SRCIN1: variants seen among roughly 807,000 people sequenced by gnomAD.
SRCIN1 encodes SRC kinase signaling inhibitor 1, also known as P130Cas-associated protein.
Under a neutral mutation model 116.2 loss-of-function variants are expected in SRCIN1, and 50 were observed. The observed-to-expected ratio is 0.43, with a 90% confidence interval of 0.34 to 0.54. SRCIN1 has a LOEUF of 0.54. SRCIN1 is among the 20% of genes least tolerant of loss of function. The pLI, the probability that SRCIN1 is intolerant of heterozygous loss-of-function variation, is 0.02. For synonymous variants in SRCIN1, 736 were observed against 750.0 expected (o/e 0.98, Z 0.30); for missense variants, 1,446 against 1,672.0 (o/e 0.86, Z 2.36).
intron 11 of SRCIN1, among the ~76,000 whole-genome samples, chr17:38,553,731 C>G (rs1905600431): frequency 6.6e-6 from 1 of 152,142 alleles, no homozygotes; most frequent in Admixed American, 6.5e-5. Flanking sequence ...ATCCCATCAT[C>G]CTGAGGCCTA....
chr17:38,562,022 C>G lies in SRCIN1; in HGVS notation c.1141G>C (p.Ala381Pro), dbSNP rs754847900. Residue 381 changes from alanine (A) to proline (P), a missense_variant, in exon 7 of 19, where the codon GCG (alanine) becomes CCG (proline). Ala to Pro is a conservative substitution (Grantham distance 27). This residue lies in a region of SRCIN1 where 239 missense variants were observed against 317.7 expected (regional missense o/e 0.75). Transcript: ENST00000617146. This position sits in a 1 kb window ranked among gnomAD's most constrained non-coding sequence, Gnocchi z 4.2. ...RRDVKPDEDL[A>P]SKAGGMVLVK... ...AGCACCATGCCGCCCGCCTTGCTCG[C>G]CAGGTCCTCGTCCGGCTTCACGTCG... 6.7e-7 allele frequency: 1 copy of G among 1,493,026 alleles called. No individual in the cohort carries two copies. Among genetic ancestry groups the G allele is most frequent in the South Asian group, 1.3e-5 (1 of 79,522 alleles). 92.5% of individuals were successfully genotyped at this position (1,493,026 alleles called of 1,614,324 possible). A position where few individuals can be genotyped will look rare whatever the true frequency, so the allele number is the denominator to read the frequency against.
At chr17:38,573,892 A>G (rs1357104340) in intron 2 of SRCIN1, among the ~76,000 whole-genome samples, 1 of 152,216 alleles carries the variant, frequency 6.6e-6, no homozygotes, top group Non-Finnish European at 1.5e-5. Flanking sequence ...TGGGAAAGAA[A>G]TTGGGCTGAA....
At position 38,533,393 on chromosome 17, in the gene SRCIN1, C is replaced by G; in HGVS notation, c.3456G>C (p.Glu1152Asp). The G allele has an allele frequency of 6.2e-7, 1 of 1,612,620 alleles. No individual in the cohort carries two copies. The highest frequency in any genetic ancestry group is 8.5e-7 in the Non-Finnish European group (1 of 1,179,554). ...GCTTTTCTGAGACTGGGCTCGAGGT[C>G]TCATTCGACCCGCTCATCTCTTTAG... ...KPSKEMSGSNETSSPVSEKPS... is the reference protein window; with the variant it reads ...KPSKEMSGSNDTSSPVSEKPS... Residue 1152 changes from glutamate (E) to aspartate (D), a missense_variant, in exon 19 of 19, where the codon GAG (glutamate) becomes GAC (aspartate). Physicochemically the swap from Glu to Asp is conservative, Grantham distance 45. Coordinates refer to ENST00000617146, the MANE Select transcript of SRCIN1 (RefSeq NM_025248.3).
At chr17:38,559,080 G>A (rs1302474365) in intron 10 of SRCIN1, 1 of 171,044 alleles carries the variant, frequency 5.8e-6, no homozygotes, top group Non-Finnish European at 1.2e-5. Flanking sequence ...ACGGCCCCTG[G>A]GCCTGCTTGA....
chr17:38,568,309 C>T lies in SRCIN1; in HGVS notation c.325-78G>A. 1 of 1,466,578 alleles carries T rather than the reference C, an allele frequency of 6.8e-7. No homozygotes were observed. The highest frequency in any genetic ancestry group is 1.4e-5 in the African/African-American group (1 of 72,118). The allele number at this position is 1,466,578 out of a possible 1,614,324, so 90.8% of individuals were successfully genotyped here. On this transcript the variant is annotated intron_variant, in intron 2 of 18. Coordinates refer to ENST00000617146, the MANE Select transcript of SRCIN1 (RefSeq NM_025248.3). This position sits in a 1 kb window ranked among gnomAD's most constrained non-coding sequence, Gnocchi z 4.5. ...AAGAGGGGCAGGGGCAGGTTAGAGACCCTTGGAACTCAGCACTCAGCCCTA... is the reference window on the plus strand; with the variant it reads ...AAGAGGGGCAGGGGCAGGTTAGAGATCCTTGGAACTCAGCACTCAGCCCTA...
chr17:38,541,010 C>T (rs909897050), intron 18 of SRCIN1, among the ~76,000 whole-genome samples: 5 of 151,912 alleles, frequency 3.3e-5, no homozygotes, highest in African/African-American at 4.8e-5. Flanking sequence ...AAGGCTGAGG[C>T]GGGTGGATCA....
chr17:38,562,316 A>C lies in SRCIN1; in HGVS notation c.847T>G (p.Tyr283Asp). ...GTGGGCGAGGACTCCCGCGATGCGT[A>C]CACCATCTCTCTCTGCGCAGAAGAC... Reference protein sequence around the residue: ...TNGDLRREMVYASRESSPTRR... With the variant: ...TNGDLRREMVDASRESSPTRR... The change falls in exon 7 of 19, where the codon TAC (tyrosine) becomes GAC (aspartate). Residue 283 changes from tyrosine to aspartate, a missense_variant. By Grantham distance (160) the Tyr-to-Asp change is radical. Around this residue, in one of 5 missense-constraint regions of SRCIN1, gnomAD observed 239 missense variants for 317.7 expected, o/e 0.75. Transcript: ENST00000617146. This position sits in a 1 kb window ranked among gnomAD's most constrained non-coding sequence, Gnocchi z 4.2. 6.8e-7 allele frequency: 1 copy of C among 1,475,032 alleles called. No individual in the cohort carries two copies. The highest frequency in any genetic ancestry group is 8.9e-7 in the Non-Finnish European group (1 of 1,121,918). The allele number at this position is 1,475,032 out of a possible 1,614,324, so 91.4% of individuals were successfully genotyped here. A position where few individuals can be genotyped will look rare whatever the true frequency, so the allele number is the denominator to read the frequency against.
chr17:38,548,233 G>A (rs1246701742), intron 17 of SRCIN1, among the ~76,000 whole-genome samples: 1 of 152,108 alleles, frequency 6.6e-6, no homozygotes, highest in East Asian at 1.9e-4. Context: ...CAGAACACTG[G>A]GGGATGGGGA....
intron 1 of SRCIN1, 116 bp downstream of exon 1, chr17:38,605,568 C>T: frequency 1.3e-6 from 1 of 773,128 alleles, no homozygotes; most frequent in Non-Finnish European, 1.8e-6. Context: ...GCCACCGCCT[C>T]CCCGGCCCGG....
chr17:38,542,892 C>G (rs1904833865), intron 18 of SRCIN1: 5 of 357,822 alleles, frequency 1.4e-5, no homozygotes, highest in Admixed American at 1.1e-4. Flanking sequence ...GCCTCTGAGT[C>G]TAGAACCTTC....
intron 10 of SRCIN1, chr17:38,559,094 G>C: frequency 5.8e-6 from 1 of 171,954 alleles, no homozygotes; most frequent in Non-Finnish European, 1.2e-5. Flanking sequence ...TGCTTGAGGA[G>C]CGGACTCGGC....
chr17:38,535,211 T>TTTC (rs2040983895), intron 18 of SRCIN1, among the ~76,000 whole-genome samples: 1 of 139,788 alleles, frequency 7.2e-6, no homozygotes, highest in African/African-American at 3.0e-5. Context: ...TTTTCTTTCT[T>TTTC]TTTTTTTTTT....
chr17:38,590,852 G>T (rs780531875), intron 1 of SRCIN1, among the ~76,000 whole-genome samples: 6 of 152,188 alleles, frequency 3.9e-5, no homozygotes, highest in Non-Finnish European at 8.8e-5. Context: ...CATTAGGCCA[G>T]AGCCCCACAG....
At position 38,563,948 on chromosome 17, in the gene SRCIN1, GGC is replaced by G; in HGVS notation, c.541+168_541+169del. ...AAAGGGGTCGGGTGGGGATGCTGAG[GGC>G]GAGAGAGAGATGGAGAGAGCTGGGG... On this transcript the variant is annotated intron_variant, in intron 4 of 18. Transcript: ENST00000617146. The surrounding 1 kb of genome is among the most constrained non-coding windows in gnomAD (Gnocchi z 5.8). 2.7e-6 allele frequency: 2 copies of G among 737,530 alleles called. No homozygotes were observed. Among genetic ancestry groups the G allele is most frequent in the Non-Finnish European group, 4.4e-6 (2 of 454,612 alleles). 45.7% of individuals were successfully genotyped at this position (737,530 alleles called of 1,614,324 possible). A position where few individuals can be genotyped will look rare whatever the true frequency, so the allele number is the denominator to read the frequency against.
In SRCIN1 at chr17:38,568,814, A is replaced by G. The variant is rs1184697320; in HGVS notation, c.325-583T>C. ...AGATGATGAGTGGTCATAACTGCTGAGAGAAAGTATTTAGACTTAACTGGG... is the reference window on the plus strand; with the variant it reads ...AGATGATGAGTGGTCATAACTGCTGGGAGAAAGTATTTAGACTTAACTGGG... On this transcript the variant is annotated intron_variant, in intron 2 of 18. Coordinates refer to ENST00000617146, the MANE Select transcript of SRCIN1 (RefSeq NM_025248.3). The surrounding 1 kb of genome is among the most constrained non-coding windows in gnomAD (Gnocchi z 4.5). 6.6e-6 allele frequency among the ~76,000 whole-genome samples: 1 copy of G among 152,040 alleles called. No homozygotes were observed. The highest frequency in any genetic ancestry group is 1.5e-5 in the Non-Finnish European group (1 of 68,010).
chr17:38,598,748 G>C (rs952365185), intron 1 of SRCIN1, among the ~76,000 whole-genome samples: 2 of 152,210 alleles, frequency 1.3e-5, no homozygotes, highest in East Asian at 1.9e-4. Context: ...ATAAGGCTGT[G>C]GGGGAGCTGA....
In SRCIN1 at chr17:38,552,841, G is replaced by A. The variant is rs775322298; in HGVS notation, c.2216C>T (p.Ser739Leu). ...CACGTCTCTCTGGATCTTCTCCACC[G>A]ATTTCTCCAGGTCACTGCAGCCACA... ...ITQQLNDLEKSVEKIQRDVSH... is the reference protein window; with the variant it reads ...ITQQLNDLEKLVEKIQRDVSH... The change falls in exon 12 of 19, where the codon TCG becomes TTG. Residue 739 changes from serine (S) to leucine (L), a missense_variant. Ser to Leu is a moderately radical substitution (Grantham distance 145, BLOSUM62 -2). This residue lies in a region of SRCIN1 where 531 missense variants were observed against 633.9 expected (regional missense o/e 0.84). Transcript: ENST00000617146. This position sits in a 1 kb window ranked among gnomAD's most constrained non-coding sequence, Gnocchi z 5.3. 30 of 1,613,908 alleles carry A rather than the reference G, an allele frequency of 1.9e-5. No individual in the cohort carries two copies. The Admixed American group carries it at 2.3e-4, about 13-fold the overall frequency.
In SRCIN1 at chr17:38,578,357, C is replaced by T; in HGVS notation, c.324+133G>A. 3 of 1,181,156 alleles carry T rather than the reference C, an allele frequency of 2.5e-6. No individual in the cohort carries two copies. The South Asian group carries it at 5.1e-5, about 20-fold the overall frequency. The allele number at this position is 1,181,156 out of a possible 1,614,324, so 73.2% of individuals were successfully genotyped here. A position where few individuals can be genotyped will look rare whatever the true frequency, so the allele number is the denominator to read the frequency against. ...TGGAGGGACAACTCCCCAACTCCTC[C>T]CCTTCTTCCCTCTCTGCTCCAGATG... On this transcript the variant is annotated intron_variant, in intron 2 of 18. Transcript: ENST00000617146.
Position 38,544,383 on chromosome 17 carries a change from G to A in SRCIN1, c.3271-414C>T, listed in dbSNP as rs544024959. On this transcript the variant is annotated intron_variant, in intron 17 of 18. Transcript: ENST00000617146. The surrounding 1 kb of genome is among the most constrained non-coding windows in gnomAD (Gnocchi z 4.5). ...TCTCTATAATGGCACACAGAGCAGA[G>A]GGGCAGCCCCAGGCCCACATCCTCC... 2.4e-4 allele frequency among the ~76,000 whole-genome samples: 36 copies of A among 152,230 alleles called. No homozygotes were observed. Among genetic ancestry groups the A allele is most frequent in the African/African-American group, 6.5e-4 (27 of 41,562 alleles).
Sources: gnomAD v4.1 joint callset for allele counts (sites outside exome capture counted in the v4.1 genomes callset) on GRCh38, gnomAD v4.1.1 for gene constraint, gnomAD v4.1.1 regional missense constraint, Gnocchi (gnomAD v3.1) non-coding constraint, MANE v1.5 for transcripts, NCBI Gene and HGNC (gene_info 2026-07-23, HGNC 2026-07-21) for gene names.